MCF2L: variants seen among roughly 807,000 people sequenced by gnomAD.
MCF2L encodes MCF.2 cell line derived transforming sequence like.
Under a neutral mutation model 153.4 loss-of-function variants are expected in MCF2L, and 97 were observed. The observed-to-expected ratio is 0.63, with a 90% confidence interval of 0.54 to 0.75. MCF2L has a LOEUF of 0.75. Among genes scored for constraint, MCF2L ranks in the 30% least tolerant of loss-of-function variants. The pLI is 0.00. For synonymous variants in MCF2L, 659 were observed against 632.2 expected (o/e 1.04, Z -0.64); for missense variants, 1,347 against 1,495.2 (o/e 0.90, Z 1.64).
intron 1 of MCF2L, among the ~76,000 whole-genome samples, chr13:112,986,454 C>T (rs965077267): frequency 2.6e-5 from 4 of 152,240 alleles, no homozygotes; most frequent in African/African-American, 9.6e-5. Flanking sequence ...CCACCACCGC[C>T]CCATTCACAC....
At chr13:113,038,467 A>G (rs2141451924) in intron 3 of MCF2L, among the ~76,000 whole-genome samples, 1 of 142,606 alleles carries the variant, frequency 7.0e-6, no homozygotes, top group Non-Finnish European at 1.5e-5. Context: ...TCCATCTCAA[A>G]AAAAAAAAAA....
chr13:113,035,627 C>T lies in MCF2L; in HGVS notation c.279-9644C>T, dbSNP rs1003235030. Among the ~76,000 whole-genome samples the T allele has an allele frequency of 1.4e-4, 21 of 152,184 alleles. No individual in the cohort carries two copies. The highest frequency in any genetic ancestry group is 3.1e-4 in the African/African-American group (13 of 41,438). Reference sequence around the variant, plus strand: ...CCCCCAGGACAGCTTCGTGGCCGGCCGCCTCCATGGATTCGGGTGGGCACA... The same window carrying T: ...CCCCCAGGACAGCTTCGTGGCCGGCTGCCTCCATGGATTCGGGTGGGCACA... On this transcript the variant is annotated intron_variant, in intron 3 of 29. Coordinates refer to ENST00000535094, the MANE Select transcript of MCF2L (RefSeq NM_001112732.3). The surrounding 1 kb of genome is among the most constrained non-coding windows in gnomAD (Gnocchi z 4.4).
intron 2 of MCF2L, among the ~76,000 whole-genome samples, chr13:113,016,160 C>T (rs142604470): frequency 1.8e-3 from 281 of 152,304 alleles, no homozygotes; most frequent in Middle Eastern, 3.4e-3. Flanking sequence ...GGGGATTTTG[C>T]AGATGAATTT....
At chr13:113,061,243 C>T (rs1164466930) in intron 5 of MCF2L, among the ~76,000 whole-genome samples, 1 of 152,158 alleles carries the variant, frequency 6.6e-6, no homozygotes, top group East Asian at 1.9e-4. Flanking sequence ...TATCCCGGCA[C>T]AGGGCAGCAT....
intron 1 of MCF2L, among the ~76,000 whole-genome samples, chr13:112,970,518 C>G (rs1263513283): frequency 6.6e-6 from 1 of 152,130 alleles, no homozygotes; most frequent in Non-Finnish European, 1.5e-5. Context: ...CTTAGAGAAT[C>G]AGCTCTTTTT....
intron 4 of MCF2L, among the ~76,000 whole-genome samples, chr13:113,060,281 G>A (rs2031160563): frequency 6.6e-6 from 1 of 152,198 alleles, no homozygotes; most frequent in Admixed American, 6.5e-5. Context: ...CTGGGAGTTA[G>A]GCTTCGACAT....
intron 2 of MCF2L, chr13:112,917,154 A>G (rs2081301508): frequency 4.2e-6 from 2 of 470,984 alleles, no homozygotes; most frequent in Admixed American, 4.7e-5. Context: ...GACCCACCTG[A>G]GTGTGATGAT....
chr13:113,001,870 C>G, intron 1 of MCF2L: 1 of 1,559,676 alleles, frequency 6.4e-7, no homozygotes, highest in Non-Finnish European at 8.6e-7. Context: ...GAAGGGCGTT[C>G]CGGGAGCCGG....
At chr13:113,062,793 G>GACATCCCATCCGCACATCCATCCGC (rs2031728881) in intron 5 of MCF2L, among the ~76,000 whole-genome samples, 1 of 152,188 alleles carries the variant, frequency 6.6e-6, no homozygotes, top group Non-Finnish European at 1.5e-5. Context: ...CCCATGGATG[G>GACATCCCATCCGCACATCCATCCGC]AGTGACCTCA....
chr13:112,927,230 C>T (rs1363921227), intron 2 of MCF2L, among the ~76,000 whole-genome samples: 1 of 152,236 alleles, frequency 6.6e-6, no homozygotes, highest in African/African-American at 2.4e-5. Context: ...GCCCTTTGAC[C>T]AGCAATTCCA....
chr13:113,078,980 A>G (rs1273022539), intron 15 of MCF2L, among the ~76,000 whole-genome samples: 1 of 152,248 alleles, frequency 6.6e-6, no homozygotes, highest in Admixed American at 6.5e-5. Context: ...TCAGGAGGGA[A>G]GAGAGGGCGA....
At chr13:112,961,642 C>T (rs1166813761) in intron 2 of MCF2L, among the ~76,000 whole-genome samples, 2 of 152,378 alleles carry the variant, frequency 1.3e-5, no homozygotes, top group Admixed American at 1.3e-4. Flanking sequence ...CTGCAGCCCT[C>T]CTTCCCATGT....
At position 113,014,823 on chromosome 13, in the gene MCF2L, A is replaced by G; in HGVS notation, c.140A>G (p.Lys47Arg). ...GCTGCCGACATCCAGGACCAGCTAA[A>G]GAAGCGCTTTGCTTACCTGTCCGGT... ...LCAADIQDQLKKRFAYLSGGR... is the reference protein window; with the variant it reads ...LCAADIQDQLRKRFAYLSGGR... The change falls in exon 2 of 30, where the codon AAG becomes AGG. Residue 47 changes from lysine to arginine, a missense_variant. Transcript: ENST00000535094. 6.2e-7 allele frequency: 1 copy of G among 1,614,048 alleles called. No individual in the cohort carries two copies. The highest frequency in any genetic ancestry group is 8.5e-7 in the Non-Finnish European group (1 of 1,180,014).
In MCF2L at chr13:112,969,265, C is replaced by G. The variant is rs968086387; in HGVS notation, c.-115C>G. On this transcript the variant is annotated 5_prime_UTR_variant, in exon 1 of 30. Coordinates refer to ENST00000535094, the MANE Select transcript of MCF2L (RefSeq NM_001112732.3). The surrounding 1 kb of genome is among the most constrained non-coding windows in gnomAD (Gnocchi z 4.8). ...GGCGGCTGGAGGCTGAAAGCGCTGC[C>G]GTGGCCCCCTCCCCGCCTCCGCCGC... is the stretch of plus-strand genomic sequence containing the variant. 10 of 1,475,026 alleles carry G rather than the reference C, an allele frequency of 6.8e-6. No individual in the cohort carries two copies. The highest frequency in any genetic ancestry group is 7.2e-6 in the Non-Finnish European group (8 of 1,105,234). The allele number at this position is 1,475,026 out of a possible 1,614,324, so 91.4% of individuals were successfully genotyped here.
At position 113,096,630 on chromosome 13, in the gene MCF2L, C is replaced by A; in HGVS notation, c.3269C>A (p.Ser1090Ter). The A allele has an allele frequency of 1.3e-6, 2 of 1,591,860 alleles. No homozygotes were observed. The highest frequency in any genetic ancestry group is 8.5e-7 in the Non-Finnish European group (1 of 1,175,168). The change falls in exon 29 of 30, where the codon TCG becomes TAG. Residue 1090 changes from serine to a stop codon, truncating the protein, a stop_gained. Coordinates refer to ENST00000535094, the MANE Select transcript of MCF2L (RefSeq NM_001112732.3). LOFTEE classifies it high-confidence loss of function. Reference protein sequence around the residue: ...SLSVRLGPSGSAQCLSSSESS... With the variant: ...SLSVRLGPSG ...TCCGTCCGGCTCGGCCCGTCCGGCT[C>A]GGCCCAGTGCCTGAGCAGCTCAGGT...
chr13:113,004,011 A>G (rs977910256), intron 1 of MCF2L, among the ~76,000 whole-genome samples: 10 of 152,256 alleles, frequency 6.6e-5, no homozygotes, highest in Non-Finnish European at 1.0e-4. Flanking sequence ...GTTGTTTTTA[A>G]TTTTAAAGGA....
intron 15 of MCF2L, among the ~76,000 whole-genome samples, chr13:113,080,265 A>G (rs2033990863): frequency 6.6e-6 from 1 of 151,790 alleles, no homozygotes; most frequent in Non-Finnish European, 1.5e-5. Context: ...GAGTGTCTGT[A>G]CGGAGGAGGG....
intron 2 of MCF2L, among the ~76,000 whole-genome samples, chr13:112,914,256 A>G (rs570929422): frequency 6.6e-6 from 1 of 152,192 alleles, no homozygotes; most frequent in South Asian, 2.1e-4. Context: ...ACATGTTCAC[A>G]CTTTCCTCCT....
intron 26 of MCF2L, chr13:113,090,162 T>C: frequency 6.5e-7 from 1 of 1,532,556 alleles, no homozygotes; most frequent in Non-Finnish European, 8.8e-7. Context: ...GTCAGAAAGG[T>C]AAAAGTAGTG....
Sources: allele counts gnomAD v4.1 joint callset (sites outside exome capture counted in the v4.1 genomes callset), GRCh38; gene constraint gnomAD v4.1.1; non-coding constraint Gnocchi (gnomAD v3.1); transcripts MANE v1.5; gene names NCBI Gene and HGNC (gene_info 2026-07-23, HGNC 2026-07-21).